Variants in MCF2L observed in about 807,000 individuals in gnomAD.
MCF2L encodes MCF.2 cell line derived transforming sequence like, also known as guanine nucleotide exchange factor DBS.
A neutral mutation model predicts 153.4 loss-of-function variants in MCF2L; 97 were observed. The observed-to-expected ratio is 0.63, with a 90% CI of 0.54 to 0.75. MCF2L has a LOEUF of 0.75. Ranked by LOEUF, MCF2L falls within the 30% of genes least tolerant of loss-of-function variation. The pLI is 0.00. For synonymous variants in MCF2L, 659 were observed against 632.2 expected (o/e 1.04, Z -0.64); for missense variants, 1,347 against 1,495.2 (o/e 0.90, Z 1.64).
intron 2 of MCF2L, among the ~76,000 whole-genome samples, chr13:112,916,721 G>A (rs963380534): frequency 5.9e-5 from 9 of 152,102 alleles, no homozygotes; most frequent in African/African-American, 1.9e-4. Context: ...GTGGTCCTCC[G>A]AGTGGTCCTT....
chr13:112,946,888 T>C (rs1218339978), intron 2 of MCF2L, among the ~76,000 whole-genome samples: 3 of 151,986 alleles, frequency 2.0e-5, no homozygotes, highest in African/African-American at 7.3e-5. Context: ...ACAGGACAAC[T>C]CTGAGGGGGG....
intron 2 of MCF2L, among the ~76,000 whole-genome samples, chr13:112,944,596 G>C (rs1222142222): frequency 6.9e-6 from 1 of 145,966 alleles, no homozygotes; most frequent in African/African-American, 2.5e-5. Context: ...TTTTGAGACG[G>C]AGTCTCGCTC....
At position 112,986,852 on chromosome 13, in the gene MCF2L, TG is replaced by T. The variant is rs146809005; in HGVS notation, c.79+17395del. On this transcript the variant is annotated intron_variant, in intron 1 of 29. Transcript: ENST00000535094. ...CAACAGTGGCGCGTACGCTGCACTC[TG>T]CCAGGGCCGTCTAGGGTTCTCTCAG... 5.3e-3 allele frequency among the ~76,000 whole-genome samples: 810 copies of T among 152,372 alleles called. 26 individuals carry two copies. The East Asian group carries it at 0.1, about 20-fold the overall frequency.
At chr13:113,050,085 CAGAT>C (rs144818822) in intron 4 of MCF2L, among the ~76,000 whole-genome samples, 17 of 152,310 alleles carry the variant, frequency 1.1e-4, no homozygotes, top group Admixed American at 7.8e-4. Flanking sequence ...GTGCGGTCCT[CAGAT>C]AGAAGCATCT....
intron 1 of MCF2L, among the ~76,000 whole-genome samples, chr13:112,897,489 C>A (rs888433352): frequency 6.6e-6 from 1 of 152,130 alleles, no homozygotes; most frequent in Admixed American, 6.5e-5. Flanking sequence ...ATGGCTCAAG[C>A]GGCCATTGGA....
upstream of MCF2L, chr13:112,967,851 C>T (rs181496337): frequency 0.011 from 1,632 of 151,350 alleles, 56 homozygotes; most frequent in African/African-American, 0.043. Flanking sequence ...GCACGCATGC[C>T]CTGTTGGACT....
At chr13:112,913,986 G>C (rs2081263286) in intron 2 of MCF2L, among the ~76,000 whole-genome samples, 1 of 152,128 alleles carries the variant, frequency 6.6e-6, no homozygotes, top group Non-Finnish European at 1.5e-5. Flanking sequence ...AGACTCCTTA[G>C]CGTTGCGTTG....
At chr13:112,992,721 T>TA (rs1412951378) in intron 1 of MCF2L, among the ~76,000 whole-genome samples, 3 of 152,208 alleles carry the variant, frequency 2.0e-5, no homozygotes. Flanking sequence ...ACTTGGCACT[T>TA]ACGTAACTTA....
intron 1 of MCF2L, chr13:112,985,379 C>T (rs915353196): frequency 1.3e-5 from 6 of 470,608 alleles, no homozygotes; most frequent in Admixed American, 4.7e-5. Context: ...AGCTGATCCT[C>T]GCCATGGGGG....
In MCF2L at chr13:112,993,343, G is replaced by T. The variant is rs2082970363; in HGVS notation, c.80-21420G>T. Among the ~76,000 whole-genome samples the T allele has an allele frequency of 9.2e-5, 14 of 152,248 alleles. No individual in the cohort carries two copies. Among genetic ancestry groups the T allele is most frequent in the Admixed American group, 9.2e-4 (14 of 15,286 alleles). On this transcript the variant is annotated intron_variant, in intron 1 of 29. Coordinates refer to ENST00000535094, the MANE Select transcript of MCF2L (RefSeq NM_001112732.3). The surrounding 1 kb of genome is among the most constrained non-coding windows in gnomAD (Gnocchi z 4.6). ...CAGTAGGGGCCGACCTGAGGGCTCTGGGGTCAACACCGGTCCAGGAATTTG... is the reference window on the plus strand; with the variant it reads ...CAGTAGGGGCCGACCTGAGGGCTCTTGGGTCAACACCGGTCCAGGAATTTG...
chr13:113,001,009 G>A (rs1034047549), intron 1 of MCF2L, among the ~76,000 whole-genome samples: 29 of 111,252 alleles, frequency 2.6e-4, no homozygotes, highest in African/African-American at 7.2e-4. Flanking sequence ...GGGATTTTCG[G>A]CTCAAACTCT....
upstream of MCF2L, chr13:112,969,208 G>T (rs1253628241): frequency 9.0e-7 from 1 of 1,106,080 alleles, no homozygotes; most frequent in Non-Finnish European, 1.1e-6. The surrounding 1 kb of genome is among the most constrained non-coding windows in gnomAD (Gnocchi z 4.8). Context: ...CCCCCCTCCC[G>T]GTGGCGCGGA....
chr13:113,032,086 G>C lies in MCF2L; in HGVS notation c.278+7328G>C, dbSNP rs556055411. On this transcript the variant is annotated intron_variant, in intron 3 of 29. Transcript: ENST00000535094. Reference sequence around the variant, plus strand: ...TGTGGGACGCAACAGAAACACGAATGTAATCATTAGGCTTCCAGTCAAGAG... The same window carrying C: ...TGTGGGACGCAACAGAAACACGAATCTAATCATTAGGCTTCCAGTCAAGAG... Among the ~76,000 whole-genome samples the C allele has an allele frequency of 3.3e-5, 5 of 152,296 alleles. No individual in the cohort carries two copies. In the South Asian group the frequency reaches 1.0e-3, roughly 32 times the overall value.
rs1388358656 is a variant in MCF2L at position 112,943,387 on chromosome 13, G to GT, written c.169+41017dup. ...GGAGGGCGGCGGCTCCCAGCTCCCG[G>GT]TCCCCGGCTCCGCGCCGCAGGCGTG... On this transcript the variant is annotated intron_variant, in intron 2 of 29. Transcript: ENST00000375608. The surrounding 1 kb of genome is among the most constrained non-coding windows in gnomAD (Gnocchi z 4.2). 1.3e-5 allele frequency among the ~76,000 whole-genome samples: 2 copies of GT among 150,248 alleles called. No homozygotes were observed. Among genetic ancestry groups the GT allele is most frequent in the African/African-American group, 2.5e-5 (1 of 40,574 alleles).
At chr13:113,006,727 G>A (rs1385514479) in intron 1 of MCF2L, among the ~76,000 whole-genome samples, 1 of 152,232 alleles carries the variant, frequency 6.6e-6, no homozygotes. Flanking sequence ...TCTGGGCCCT[G>A]TGGAAATGCT....
In MCF2L at chr13:113,049,517, C is replaced by T. The variant is rs138705540; in HGVS notation, c.369+4156C>T. 6.4e-3 allele frequency among the ~76,000 whole-genome samples: 974 copies of T among 152,336 alleles called. 10 individuals are homozygous for T. Among genetic ancestry groups the T allele is most frequent in the Non-Finnish European group, 9.2e-3 (624 of 68,018 alleles). On this transcript the variant is annotated intron_variant, in intron 4 of 29. Coordinates refer to ENST00000535094, the MANE Select transcript of MCF2L (RefSeq NM_001112732.3). ...TAGTGGCTGCAGCGGGGCACCTGGA[C>T]GCCAACCCCTGGGCTCCAGGCCTTG...
chr13:112,942,920 G>T (rs898837375), intron 2 of MCF2L, among the ~76,000 whole-genome samples: 1 of 152,200 alleles, frequency 6.6e-6, no homozygotes, highest in African/African-American at 2.4e-5. Context: ...GGAAAGGTGG[G>T]ACAGCACCCT....
chr13:112,962,737 C>T (rs1348564818), intron 2 of MCF2L, among the ~76,000 whole-genome samples: 3 of 152,202 alleles, frequency 2.0e-5, no homozygotes, highest in Non-Finnish European at 2.9e-5. Context: ...AAGGCCCCAA[C>T]CCCTACCCAG....
At chr13:112,962,864 C>T (rs968966990) in intron 2 of MCF2L, among the ~76,000 whole-genome samples, 1 of 152,214 alleles carries the variant, frequency 6.6e-6, no homozygotes, top group African/African-American at 2.4e-5. Context: ...TTTGCTGAAC[C>T]CAGAATCCAG....
Sources: allele counts gnomAD v4.1 joint callset (sites outside exome capture counted in the v4.1 genomes callset), GRCh38; gene constraint gnomAD v4.1.1; non-coding constraint Gnocchi (gnomAD v3.1); transcripts MANE v1.5; gene names NCBI Gene and HGNC (gene_info 2026-07-23, HGNC 2026-07-21).